The following SPTLC1 variants were observed in gnomAD, a reference collection of about 807,000 sequenced individuals.
SPTLC1 encodes serine palmitoyltransferase long chain base subunit 1.
SPTLC1 carries 55 observed loss-of-function variants against 68.9 expected under a neutral mutation model. The ratio of observed to expected loss-of-function variants is 0.80; its 90% CI spans 0.64 to 1.00. The LOEUF is 1.00. Ranked by LOEUF, SPTLC1 falls within the 50% of genes least tolerant of loss-of-function variation. The pLI, the probability that SPTLC1 is intolerant of heterozygous loss-of-function variation, is 0.00. For missense variants in SPTLC1, 449 were observed against 573.1 expected (o/e 0.78, Z 2.21); for synonymous variants, 197 against 201.6 (o/e 0.98, Z 0.19).
chr9:92,107,701 G>A (rs962046315), intron 3 of SPTLC1: 31 of 152,270 alleles, frequency 2.0e-4, no homozygotes, highest in Middle Eastern at 6.8e-3. Flanking sequence ...GCAGTGAGCC[G>A]AGATTGCGCC....
intron 1 of SPTLC1, chr9:92,114,814 CAGA>C (rs3076496): frequency 0.1 from 16,788 of 168,086 alleles, 1,876 homozygotes; most frequent in African/African-American, 0.29. Flanking sequence ...CTGATGTACG[CAGA>C]AGAATGACAA....
Position 92,067,848 on chromosome 9 carries a change from T to C in SPTLC1, c.560+118A>G, listed in dbSNP as rs554667314. On this transcript the variant is annotated intron_variant, in intron 6 of 14. Transcript: ENST00000262554. ...AAACCTTTGGTGAGGTGACTATTTCTTGAAAAACAAAAAGCAGCATTATTT... is the reference window on the plus strand; with the variant it reads ...AAACCTTTGGTGAGGTGACTATTTCCTGAAAAACAAAAAGCAGCATTATTT... 2.0e-5 allele frequency: 26 copies of C among 1,291,062 alleles called. No homozygotes were observed. In the African/African-American group the frequency reaches 3.9e-4, roughly 19 times the overall value. The allele number at this position is 1,291,062 out of a possible 1,614,324, so 80.0% of individuals were successfully genotyped here.
chr9:92,086,942 C>A (rs1331104167), intron 3 of SPTLC1, among the ~76,000 whole-genome samples: 6 of 151,890 alleles, frequency 4.0e-5, no homozygotes, highest in Non-Finnish European at 1.5e-5. Context: ...TTGTTTGTTT[C>A]TTTTTATTCT....
At chr9:92,045,934 T>G in intron 12 of SPTLC1, 65 bp downstream of exon 12, 1 of 1,476,592 alleles carries the variant, frequency 6.8e-7, no homozygotes, top group African/African-American at 1.4e-5. Context: ...AATTTAAAAC[T>G]TTCCATTAGT....
intron 3 of SPTLC1, among the ~76,000 whole-genome samples, chr9:92,087,487 T>C (rs903419275): frequency 1.1e-3 from 160 of 152,366 alleles, no homozygotes; most frequent in Non-Finnish European, 1.5e-3. Context: ...TGCAGGTCTG[T>C]TGGAGTTTGC....
chr9:92,084,582 G>C (rs1317801306), intron 3 of SPTLC1, among the ~76,000 whole-genome samples: 1 of 152,024 alleles, frequency 6.6e-6, no homozygotes, highest in Non-Finnish European at 1.5e-5. Flanking sequence ...TGCATCCCAG[G>C]GATGAAGCCC....
intron 11 of SPTLC1, 34 bp downstream of exon 11, chr9:92,047,138 C>G: frequency 6.5e-7 from 1 of 1,543,932 alleles, no homozygotes; most frequent in Non-Finnish European, 9.0e-7. Context: ...AACCTGAAAT[C>G]TCTTTGATTC....
chr9:92,100,859 G>C (rs1835723225), intron 3 of SPTLC1, among the ~76,000 whole-genome samples: 1 of 149,312 alleles, frequency 6.7e-6, no homozygotes, highest in African/African-American at 2.5e-5. Context: ...AAACAGGCAA[G>C]AGAAAAGCAC....
intron 11 of SPTLC1, among the ~76,000 whole-genome samples, chr9:92,046,495 G>A (rs546897455): frequency 9.9e-5 from 15 of 152,180 alleles, no homozygotes; most frequent in South Asian, 6.2e-4. Context: ...GAAGGTAGGC[G>A]TGCCAGGCCA....
At chr9:92,090,309 G>A (rs1027151675) in intron 3 of SPTLC1, among the ~76,000 whole-genome samples, 2 of 152,134 alleles carry the variant, frequency 1.3e-5, no homozygotes, top group African/African-American at 4.8e-5. Flanking sequence ...GTAAGGAAGA[G>A]AGGAAGATTA....
chr9:92,115,366 G>A lies in SPTLC1; in HGVS notation c.5C>T (p.Ala2Val), dbSNP rs778546770. 6.2e-7 allele frequency: 1 copy of A among 1,612,970 alleles called. No individual in the cohort carries two copies. The highest frequency in any genetic ancestry group is 1.7e-5 in the Admixed American group (1 of 60,010). Residue 2 changes from alanine (A) to valine (V), a missense_variant, in exon 1 of 15, where the codon GCG becomes GTG. Ala to Val is a moderately conservative substitution (Grantham distance 64, BLOSUM62 0). Around this residue, in one of 3 missense-constraint regions of SPTLC1, gnomAD observed 46 missense variants for 57.8 expected, o/e 0.80. Transcript: ENST00000262554. The part of the protein sequence containing the change: M[A>V]TATEQWVLVE... ...CAGAACCCACTGCTCCGTGGCGGTC[G>A]CCATAGTTAGCCGCTTCCTTCCGGA...
chr9:92,112,115 AC>A (rs1369765378), intron 2 of SPTLC1, among the ~76,000 whole-genome samples: 1 of 152,224 alleles, frequency 6.6e-6, no homozygotes, highest in Non-Finnish European at 1.5e-5. Flanking sequence ...TTTATCCCAT[AC>A]TTCAGAAATA....
At chr9:92,038,223 A>G in intron 13 of SPTLC1, 25 bp downstream of exon 13, 1 of 1,467,672 alleles carries the variant, frequency 6.8e-7, no homozygotes, top group East Asian at 2.3e-5. Context: ...GTGTGGGGGG[A>G]TGCCTCAAGT....
At chr9:92,074,324 T>G (rs1834600602) in intron 5 of SPTLC1, among the ~76,000 whole-genome samples, 4 of 151,766 alleles carry the variant, frequency 2.6e-5, no homozygotes, top group Admixed American at 2.6e-4. Flanking sequence ...CAGGCAACAC[T>G]CCTTTATGCG....
chr9:92,051,315 C>T (rs1833697318), intron 8 of SPTLC1: 2 of 964,364 alleles, frequency 2.1e-6, no homozygotes, highest in South Asian at 9.6e-5. Context: ...GGTGGTTCAA[C>T]ATGGAAAAAT....
rs1403894821 is a variant in SPTLC1 at position 92,080,065 on chromosome 9, C to G, written c.378G>C (p.Lys126Asn). 6.2e-7 allele frequency: 1 copy of G among 1,614,026 alleles called. No homozygotes were observed. The highest frequency in any genetic ancestry group is 8.5e-7 in the Non-Finnish European group (1 of 1,179,906). The change falls in exon 5 of 15, where the codon AAG (lysine) becomes AAC (asparagine). Residue 126 changes from lysine (K) to asparagine (N), a missense_variant. Coordinates refer to ENST00000262554, the MANE Select transcript of SPTLC1 (RefSeq NM_006415.4). ...GTCCACAAGTCCCCACGCCATACTT[C>G]TTTAGAGATGCTAAAGCTGCTGCCT... Reference protein sequence around the residue: ...RVKAAALASLKKYGVGTCGPR... With the variant: ...RVKAAALASLNKYGVGTCGPR...
chr9:92,044,680 G>A (rs1369160452), intron 12 of SPTLC1, among the ~76,000 whole-genome samples: 1 of 152,194 alleles, frequency 6.6e-6, no homozygotes, highest in Non-Finnish European at 1.5e-5. Flanking sequence ...GCAGGGACAA[G>A]CAAAGGCACT....
chr9:92,046,100 G>A, intron 11 of SPTLC1, 47 bp from the exon 12 acceptor site: 1 of 1,468,674 alleles, frequency 6.8e-7, no homozygotes, highest in South Asian at 1.2e-5. Context: ...ACTTATGATA[G>A]TACTAACCTA....
chr9:92,035,533 G>A (rs527576094), intron 13 of SPTLC1, among the ~76,000 whole-genome samples: 1 of 152,320 alleles, frequency 6.6e-6, no homozygotes, highest in South Asian at 2.1e-4. Flanking sequence ...ATAGGCTACA[G>A]GGGTTTCTTT....
Sources: allele counts gnomAD v4.1 joint callset (sites outside exome capture counted in the v4.1 genomes callset), GRCh38; gene constraint gnomAD v4.1.1; regional missense constraint gnomAD v4.1.1; transcripts MANE v1.5; gene names NCBI Gene and HGNC (gene_info 2026-07-23, HGNC 2026-07-21).